Variants in CREBBP observed in about 807,000 individuals in gnomAD.
CREBBP encodes the protein CREB binding lysine acetyltransferase, also known as CREB-binding protein.
In CREBBP, 19 loss-of-function variants were observed where a neutral mutation model predicts 265.0. That is an observed-to-expected ratio of 0.07 (90% confidence interval 0.05 to 0.11). The LOEUF (loss-of-function observed/expected upper bound fraction) is 0.11, where lower values mean the gene tolerates loss of function less well. Ranked by LOEUF, CREBBP falls within the 10% of genes least tolerant of loss-of-function variation. CREBBP has a pLI of 1.00. For missense variants in CREBBP, 2,525 were observed against 3,219.0 expected (o/e 0.78, Z 5.22); for synonymous variants, 1,457 against 1,223.7 (o/e 1.19, Z -3.98).
chr16:3,781,046 T>C (rs776917990), intron 7 of CREBBP, among the ~76,000 whole-genome samples, 158 bp downstream of exon 7: 3 of 152,230 alleles, frequency 2.0e-5, no homozygotes, highest in Admixed American at 6.5e-5. Context: ...TTATCTGCTC[T>C]ACATTTATAA....
In CREBBP at chr16:3,738,565, T is replaced by G. The variant is rs766632314; in HGVS notation, c.4388A>C (p.Lys1463Thr). 3.8e-6 allele frequency: 6 copies of G among 1,599,654 alleles called. No homozygotes were observed. The highest frequency in any genetic ancestry group is 5.1e-6 in the Non-Finnish European group (6 of 1,166,956). ...ILIGYLEYVKKLGYVTGHIWA... is the reference protein window; with the variant it reads ...ILIGYLEYVKTLGYVTGHIWA... The stretch of plus-strand genomic sequence containing the variant: ...TAATTTAATCCAAACTCACCCTAAT[T>G]TCTTCACATACTCTAAATATCCAAT... Residue 1463 changes from lysine to threonine, a missense_variant, in exon 26 of 31, where the codon AAA (lysine) becomes ACA (threonine). Lys to Thr is a moderately conservative substitution (Grantham distance 78). Around this residue, in one of 19 missense-constraint regions of CREBBP, gnomAD observed 252 missense variants for 452.5 expected, o/e 0.56. Coordinates refer to ENST00000262367, the MANE Select transcript of CREBBP (RefSeq NM_004380.3).
intron 27 of CREBBP, 133 bp downstream of exon 27, chr16:3,736,517 G>C: frequency 7.4e-7 from 1 of 1,344,428 alleles, no homozygotes; most frequent in South Asian, 1.2e-5. Context: ...TCTCACTTTA[G>C]GCTTTTATTT....
intron 1 of CREBBP, among the ~76,000 whole-genome samples, chr16:3,855,454 G>T (rs535542030): frequency 6.6e-6 from 1 of 151,362 alleles, no homozygotes; most frequent in Non-Finnish European, 1.5e-5. Context: ...TAGTAGAGAC[G>T]GGGTTTCGCC....
At position 3,777,673 on chromosome 16, in the gene CREBBP, A is replaced by G; in HGVS notation, c.2114-16T>C. On this transcript the variant is annotated splice_polypyrimidine_tract_variant and intron_variant, in intron 10 of 30. Coordinates refer to ENST00000262367, the MANE Select transcript of CREBBP (RefSeq NM_004380.3). ...AGGGGTCCATCTATGGTGGCAAAAC[A>G]AAAACAAAAACAAAACCACCCTAGT... The G allele has an allele frequency of 6.2e-7, 1 of 1,612,244 alleles. No homozygotes were observed. The highest frequency in any genetic ancestry group is 8.5e-7 in the Non-Finnish European group (1 of 1,178,618).
chr16:3,797,344 A>G (rs1223850733), intron 3 of CREBBP, among the ~76,000 whole-genome samples: 3 of 152,212 alleles, frequency 2.0e-5, no homozygotes, highest in Non-Finnish European at 2.9e-5. Context: ...ACTTAAGTCC[A>G]GAAACAGACA....
intron 1 of CREBBP, among the ~76,000 whole-genome samples, chr16:3,864,605 G>GT (rs1236249800): frequency 9.9e-5 from 15 of 152,134 alleles, no homozygotes; most frequent in Admixed American, 1.3e-4. Context: ...TCAAGATCAC[G>GT]TCACTGCACT....
At chr16:3,730,174 G>C (rs1401445758) in intron 30 of CREBBP, among the ~76,000 whole-genome samples, 2 of 152,142 alleles carry the variant, frequency 1.3e-5, no homozygotes, top group African/African-American at 4.8e-5. Flanking sequence ...AGCCCTGAAG[G>C]CTCAAAGATA....
intron 2 of CREBBP, among the ~76,000 whole-genome samples, chr16:3,827,679 C>T (rs1408397355): frequency 1.3e-5 from 2 of 152,154 alleles, no homozygotes; most frequent in African/African-American, 4.8e-5. Flanking sequence ...GCATAAGCCA[C>T]CATGCCTGGC....
chr16:3,746,540 C>T (rs141163358), intron 21 of CREBBP, among the ~76,000 whole-genome samples: 2 of 152,264 alleles, frequency 1.3e-5, no homozygotes, highest in East Asian at 1.9e-4. Flanking sequence ...TCATCCCCAA[C>T]GCTAAGAATT....
intron 2 of CREBBP, among the ~76,000 whole-genome samples, chr16:3,825,968 T>G (rs1464182448): frequency 6.6e-6 from 1 of 152,244 alleles, no homozygotes; most frequent in Non-Finnish European, 1.5e-5. Context: ...ATGCCTGTAA[T>G]CCCAGCACTT....
intron 5 of CREBBP, among the ~76,000 whole-genome samples, chr16:3,783,326 G>A (rs1404874530): frequency 3.3e-5 from 5 of 152,214 alleles, no homozygotes; most frequent in Non-Finnish European, 5.9e-5. Flanking sequence ...GAACAGAGGA[G>A]CCCCCTCCTG....
chr16:3,728,708 G>C lies in CREBBP; in HGVS notation c.6339C>G (p.Pro2113=). 2 of 1,613,940 alleles carry C rather than the reference G, an allele frequency of 1.2e-6. No individual in the cohort carries two copies. Among genetic ancestry groups the C allele is most frequent in the Middle Eastern group, 1.6e-4 (1 of 6,062 alleles). ...GGAGGCCAGGCTGGGGCTGCATGCC[G>C]GGCTGATTGGCCACGTACTTGGCTG... ...QRTAKYVANQ[P]GMQPQPGLQS... is the part of the protein sequence containing the mutation. Residue 2113 remains proline, a synonymous_variant, in exon 31 of 31, where the codon CCC becomes CCG. Coordinates refer to ENST00000262367, the MANE Select transcript of CREBBP (RefSeq NM_004380.3). The surrounding 1 kb of genome is among the most constrained non-coding windows in gnomAD (Gnocchi z 8.7).
chr16:3,743,883 C>T (rs927171860), intron 23 of CREBBP, among the ~76,000 whole-genome samples: 9 of 152,094 alleles, frequency 5.9e-5, no homozygotes, highest in Non-Finnish European at 1.5e-5. Context: ...TTGAGACCGT[C>T]CTGGCCAACA....
intron 23 of CREBBP, 66 bp downstream of exon 23, chr16:3,744,828 T>A (rs1420316377): frequency 6.4e-6 from 8 of 1,243,822 alleles, no homozygotes; most frequent in African/African-American, 1.5e-5. Context: ...CAAAGAACAA[T>A]GGGGACAATT....
chr16:3,740,635 C>T (rs2151341884), intron 23 of CREBBP, 86 bp from the exon 24 acceptor site: 1 of 1,466,914 alleles, frequency 6.8e-7, no homozygotes, highest in Non-Finnish European at 9.5e-7. Flanking sequence ...CCCCACTTTG[C>T]AGCACAGGCT....
chr16:3,879,800 C>G (rs201905969), intron 1 of CREBBP, 32 bp downstream of exon 1: 1 of 1,553,614 alleles, frequency 6.4e-7, no homozygotes, highest in Non-Finnish European at 8.7e-7. Flanking sequence ...CAGCGCGCCC[C>G]GGGCCCCCGC....
At position 3,737,147 on chromosome 16, in the gene CREBBP, A is replaced by G. The variant is rs1276883925; in HGVS notation, c.4395-332T>C. 6 of 448,882 alleles carry G rather than the reference A, an allele frequency of 1.3e-5. No individual in the cohort carries two copies. In the East Asian group the frequency reaches 2.2e-4, roughly 17 times the overall value. The allele number at this position is 448,882 out of a possible 1,614,324, so 27.8% of individuals were successfully genotyped here. A position where few individuals can be genotyped will look rare whatever the true frequency, so the allele number is the denominator to read the frequency against. On this transcript the variant is annotated intron_variant, in intron 26 of 30. Coordinates refer to ENST00000262367, the MANE Select transcript of CREBBP (RefSeq NM_004380.3). ...CCATCCCCTTCCTCCTGTGCACTGT[A>G]AAGGCAGTTCGGTTGACTATTTTTC...
Position 3,786,039 on chromosome 16 carries a change from C to T in CREBBP, c.1331-3113G>A, listed in dbSNP as rs551155880. On this transcript the variant is annotated intron_variant, in intron 5 of 30. Transcript: ENST00000262367. ...TCGGACTCACCTGCCACTCTTCATG[C>T]ACAAACAATGTTCCACTAAGAGGCC... Among the ~76,000 whole-genome samples, 3 of 152,372 alleles carry T rather than the reference C, an allele frequency of 2.0e-5. No homozygotes were observed. The East Asian group carries it at 5.8e-4, about 29-fold the overall frequency.
intron 2 of CREBBP, among the ~76,000 whole-genome samples, chr16:3,842,736 G>A (rs566056624): frequency 6.6e-6 from 1 of 152,084 alleles, no homozygotes; most frequent in South Asian, 2.1e-4. Context: ...AGGCTGAGGT[G>A]GGCAGATCAC....
Sources: gnomAD v4.1 joint callset for allele counts (sites outside exome capture counted in the v4.1 genomes callset) on GRCh38, gnomAD v4.1.1 for gene constraint, gnomAD v4.1.1 regional missense constraint, Gnocchi (gnomAD v3.1) non-coding constraint, MANE v1.5 for transcripts, NCBI Gene and HGNC (gene_info 2026-07-23, HGNC 2026-07-21) for gene names.